The following PRKAR1B variants were observed in gnomAD, a reference collection of about 807,000 sequenced individuals.
PRKAR1B encodes protein kinase cAMP-dependent type I regulatory subunit beta.
A neutral mutation model predicts 46.5 loss-of-function variants in PRKAR1B; 22 were observed. The observed-to-expected ratio is 0.47, with a 90% CI of 0.34 to 0.68. The LOEUF is 0.68. Ranked by LOEUF, PRKAR1B falls within the 30% of genes least tolerant of loss-of-function variation. PRKAR1B has a pLI of 0.01. For missense variants in PRKAR1B, 445 were observed against 535.6 expected (o/e 0.83, Z 1.67); for synonymous variants, 259 against 217.7 (o/e 1.19, Z -1.67).
At chr7:556,054 G>A (rs540300760) in intron 9 of PRKAR1B, among the ~76,000 whole-genome samples, 7 of 152,236 alleles carry the variant, frequency 4.6e-5, no homozygotes, top group African/African-American at 9.6e-5. Context: ...CATATGCCCC[G>A]GGAGTGGCCA....
intron 8 of PRKAR1B, among the ~76,000 whole-genome samples, chr7:581,954 A>C (rs997546315): frequency 1.3e-5 from 2 of 152,212 alleles, no homozygotes; most frequent in African/African-American, 4.8e-5. Context: ...CATGGCCTCA[A>C]GTGATCCTCC....
intron 9 of PRKAR1B, among the ~76,000 whole-genome samples, chr7:559,312 C>T (rs111304991): frequency 1.5e-3 from 226 of 152,244 alleles, no homozygotes; most frequent in African/African-American, 5.0e-3. Flanking sequence ...AGGAGCCAGC[C>T]GGAGAAGACG....
At chr7:700,908 C>G (rs1464091937) in intron 2 of PRKAR1B, among the ~76,000 whole-genome samples, 1 of 152,148 alleles carries the variant, frequency 6.6e-6, no homozygotes, top group Non-Finnish European at 1.5e-5. Flanking sequence ...GACAGGTGGG[C>G]AGGGCATCGT....
At chr7:586,274 G>A (rs913104878) in intron 7 of PRKAR1B, among the ~76,000 whole-genome samples, 11 of 152,162 alleles carry the variant, frequency 7.2e-5, no homozygotes, top group Non-Finnish European at 1.2e-4. Context: ...ATCCTCACTC[G>A]CCTCCTGGTG....
intron 4 of PRKAR1B, among the ~76,000 whole-genome samples, chr7:645,765 G>A (rs890139004): frequency 5.3e-5 from 8 of 152,110 alleles, no homozygotes; most frequent in African/African-American, 1.9e-4. Context: ...TGGGATCCCG[G>A]ATGTGCGTCT....
intron 4 of PRKAR1B, among the ~76,000 whole-genome samples, chr7:647,161 G>C (rs1370812839): frequency 3.3e-5 from 5 of 152,180 alleles, no homozygotes; most frequent in Non-Finnish European, 5.9e-5. Flanking sequence ...AAACCAGCCT[G>C]CCTGCCCACC....
chr7:617,400 G>A (rs1782889864), intron 4 of PRKAR1B, among the ~76,000 whole-genome samples: 1 of 151,056 alleles, frequency 6.6e-6, no homozygotes, highest in Non-Finnish European at 1.5e-5. Flanking sequence ...GACCTTCTGA[G>A]CTCAAGCGAT....
intron 4 of PRKAR1B, among the ~76,000 whole-genome samples, chr7:616,230 CT>C (rs1388657491): frequency 4.6e-5 from 7 of 152,388 alleles, no homozygotes; most frequent in African/African-American, 1.7e-4. Flanking sequence ...AGGCAGCCCC[CT>C]GGCTCTCACT....
chr7:642,040 G>T (rs1463288502), intron 4 of PRKAR1B, among the ~76,000 whole-genome samples: 1 of 152,010 alleles, frequency 6.6e-6, no homozygotes, highest in East Asian at 1.9e-4. Context: ...AAGTGGCTGG[G>T]ACTCCAGGCA....
chr7:586,554 A>G (rs1780611777), intron 7 of PRKAR1B, among the ~76,000 whole-genome samples: 1 of 152,168 alleles, frequency 6.6e-6, no homozygotes, highest in Non-Finnish European at 1.5e-5. Context: ...CTGCCCCATA[A>G]GACCTTCTGA....
intron 7 of PRKAR1B, among the ~76,000 whole-genome samples, chr7:591,564 C>T (rs1013230145): frequency 5.9e-5 from 9 of 152,160 alleles, no homozygotes; most frequent in African/African-American, 4.8e-5. Context: ...GCGTTGATAA[C>T]GGCTGCCAGG....
At chr7:613,579 C>T (rs1782644769) in intron 4 of PRKAR1B, among the ~76,000 whole-genome samples, 1 of 152,218 alleles carries the variant, frequency 6.6e-6, no homozygotes, top group Non-Finnish European at 1.5e-5. Context: ...CCCCTGAAAT[C>T]ACACACGCGG....
chr7:721,170 T>C (rs188509482), intron 1 of PRKAR1B, among the ~76,000 whole-genome samples: 8 of 152,214 alleles, frequency 5.3e-5, no homozygotes, highest in African/African-American at 1.9e-4. Context: ...CACTGTTAAA[T>C]ACCTAGCTGT....
At chr7:721,963 G>T (rs557750302) in intron 1 of PRKAR1B, among the ~76,000 whole-genome samples, 1 of 152,032 alleles carries the variant, frequency 6.6e-6, no homozygotes, top group East Asian at 1.9e-4. Flanking sequence ...TCCTCCTTCT[G>T]TCTTTAGTTT....
At chr7:621,437 TAAAAA>T (rs1252674888) in intron 4 of PRKAR1B, among the ~76,000 whole-genome samples, 1 of 152,000 alleles carries the variant, frequency 6.6e-6, no homozygotes, top group African/African-American at 2.4e-5. Flanking sequence ...AAAAAGAAAA[TAAAAA>T]GAAAAGTCTG....
chr7:644,000 C>T (rs887514725), intron 4 of PRKAR1B, among the ~76,000 whole-genome samples: 2 of 152,178 alleles, frequency 1.3e-5, no homozygotes, highest in African/African-American at 4.8e-5. Context: ...CGAATTCCCA[C>T]CCACAAACCC....
intron 1 of PRKAR1B, among the ~76,000 whole-genome samples, chr7:722,743 C>T (rs1019109685): frequency 6.6e-6 from 1 of 152,224 alleles, no homozygotes; most frequent in African/African-American, 2.4e-5. Context: ...AATTTACATC[C>T]GTTACCTTAC....
At chr7:723,471 CT>C (rs1262457957) in intron 1 of PRKAR1B, among the ~76,000 whole-genome samples, 1 of 152,204 alleles carries the variant, frequency 6.6e-6, no homozygotes, top group Non-Finnish European at 1.5e-5. Flanking sequence ...GTCCAGAGGT[CT>C]CCAGCCCGTC....
rs998448840 is a variant in PRKAR1B at position 693,464 on chromosome 7, T to C, written c.178-12738A>G. Among the ~76,000 whole-genome samples, 3 of 147,634 alleles carry C rather than the reference T, an allele frequency of 2.0e-5. No individual in the cohort carries two copies. The East Asian group carries it at 6.6e-4, about 32-fold the overall frequency. On this transcript the variant is annotated intron_variant, in intron 2 of 10. Coordinates refer to ENST00000537384, the MANE Select transcript of PRKAR1B (RefSeq NM_001164760.2). ...AATCGACTTCCTGTCTCTGTGCAAC[T>C]GCCTGTTCCTGCTACTTCACAGAAG... is the stretch of plus-strand genomic sequence containing the variant.
Sources: allele counts gnomAD v4.1 joint callset (sites outside exome capture counted in the v4.1 genomes callset), GRCh38; gene constraint gnomAD v4.1.1; transcripts MANE v1.5; gene names NCBI Gene and HGNC (gene_info 2026-07-23, HGNC 2026-07-21).